The following RHOT1 variants were observed in gnomAD, a reference collection of about 807,000 sequenced individuals.
RHOT1 encodes ras homolog family member T1.
In RHOT1, 27 loss-of-function variants were observed where a neutral mutation model predicts 95.3. The ratio of observed to expected loss-of-function variants is 0.28; its 90% CI spans 0.21 to 0.39. The LOEUF (loss-of-function observed/expected upper bound fraction) is 0.39. Among genes scored for constraint, RHOT1 ranks in the 10% least tolerant of loss-of-function variants. RHOT1 has a pLI of 1.00. For missense variants in RHOT1, 578 were observed against 786.7 expected, an observed-to-expected ratio of 0.73 and a Z score of 3.17; for synonymous variants, 227 against 263.5, an observed-to-expected ratio of 0.86 and a Z score of 1.34.
intron 1 of RHOT1, among the ~76,000 whole-genome samples, chr17:32,161,199 G>A (rs567980382): frequency 3.9e-4 from 59 of 152,288 alleles, no homozygotes; most frequent in Non-Finnish European, 6.8e-4. Flanking sequence ...TAGTTTGGTG[G>A]GTGGGGGCTA....
chr17:32,187,892 A>G (rs2036177843), intron 8 of RHOT1, among the ~76,000 whole-genome samples: 1 of 152,238 alleles, frequency 6.6e-6, no homozygotes. Flanking sequence ...TGATTGAAAA[A>G]AGTCAAATAA....
chr17:32,224,836 T>C lies in RHOT1; in HGVS notation c.*103T>C. On this transcript the variant is annotated 3_prime_UTR_variant, in exon 20 of 20. Transcript: ENST00000545287. ...ATTGAGATATTTATACATGCAGAGT[T>C]ACTTTATTAATATTTGTAATTCATG... 1.5e-6 allele frequency: 1 copy of C among 665,564 alleles called. No homozygotes were observed. The highest frequency in any genetic ancestry group is 2.6e-6 in the Non-Finnish European group (1 of 388,124). The allele number at this position is 665,564 out of a possible 1,614,324, so 41.2% of individuals were successfully genotyped here.
chr17:32,203,394 G>T (rs1400083328), intron 15 of RHOT1, among the ~76,000 whole-genome samples: 1 of 148,422 alleles, frequency 6.7e-6, no homozygotes, highest in East Asian at 2.0e-4. Flanking sequence ...TCCCACCTCA[G>T]CCCCTGGAGC....
At chr17:32,167,479 A>G (rs1234844149) in intron 1 of RHOT1, among the ~76,000 whole-genome samples, 1 of 152,070 alleles carries the variant, frequency 6.6e-6, no homozygotes, top group Admixed American at 6.6e-5. Context: ...GGCACCCACC[A>G]CAATGCCCGG....
intron 3 of RHOT1, 129 bp from the exon 4 acceptor site, chr17:32,175,189 CT>C: frequency 1.4e-6 from 1 of 739,694 alleles, no homozygotes; most frequent in Non-Finnish European, 2.3e-6. Flanking sequence ...CTTCCCCTGG[CT>C]TTCCCTTGTG....
At chr17:32,154,136 C>A (rs1313407638) in intron 1 of RHOT1, among the ~76,000 whole-genome samples, 3 of 147,492 alleles carry the variant, frequency 2.0e-5, no homozygotes, top group African/African-American at 7.5e-5. Context: ...GACTTTGTCT[C>A]TAAAAAAAAA....
intron 11 of RHOT1, among the ~76,000 whole-genome samples, chr17:32,197,763 G>T (rs1598418940): frequency 6.6e-6 from 1 of 151,926 alleles, no homozygotes. Flanking sequence ...AGTAGAGACG[G>T]GGTTTTACCA....
chr17:32,202,669 A>G, intron 14 of RHOT1, 101 bp from the exon 15 acceptor site: 2 of 773,572 alleles, frequency 2.6e-6, no homozygotes, highest in South Asian at 3.9e-5. Flanking sequence ...CTTCATAAAA[A>G]TAATAAGCAG....
intron 8 of RHOT1, among the ~76,000 whole-genome samples, chr17:32,184,836 G>T (rs771998490): frequency 6.6e-6 from 1 of 152,046 alleles, no homozygotes; most frequent in African/African-American, 2.4e-5. Flanking sequence ...CCCCATATCT[G>T]TTGATGCATA....
At chr17:32,172,570 C>T (rs1213781559) in intron 2 of RHOT1, among the ~76,000 whole-genome samples, 5 of 152,220 alleles carry the variant, frequency 3.3e-5, no homozygotes, top group African/African-American at 1.2e-4. Context: ...CAGTGGCTCA[C>T]GCCTGTAATC....
intron 1 of RHOT1, among the ~76,000 whole-genome samples, chr17:32,144,260 C>G (rs2030931271): frequency 6.6e-6 from 1 of 152,114 alleles, no homozygotes; most frequent in African/African-American, 2.4e-5. Context: ...AGTGCAGTGC[C>G]TGGGATTACA....
At chr17:32,197,779 G>T (rs897118294) in intron 11 of RHOT1, among the ~76,000 whole-genome samples, 1 of 151,492 alleles carries the variant, frequency 6.6e-6, no homozygotes, top group South Asian at 2.1e-4. Flanking sequence ...TACCATGTTG[G>T]CCAGGCTGGT....
rs1414699271 is a variant in RHOT1 at position 32,198,971 on chromosome 17, T to G, written c.894T>G (p.Thr298=). 6.2e-7 allele frequency: 1 copy of G among 1,610,796 alleles called. No homozygotes were observed. Among genetic ancestry groups the G allele is most frequent in the African/African-American group, 1.3e-5 (1 of 75,010 alleles). The part of the protein sequence containing the change: ...FPLLKIPPDC[T]TELNHHAYLF... ...GGCTGAAAATACCTCCTGATTGCAC[T>G]ACTGAATTAAATCATCATGCATATT... is the stretch of plus-strand genomic sequence containing the variant. The change falls in exon 12 of 20, where the codon ACT becomes ACG. Residue 298 remains threonine (T), a synonymous_variant. Coordinates refer to ENST00000545287, the MANE Select transcript of RHOT1 (RefSeq NM_001033566.3).
In RHOT1 at chr17:32,219,124, G is replaced by A. The variant is rs570403925; in HGVS notation, c.1863-5492G>A. ...GGGGAGATGAGAGGAGTGAAAAATA[G>A]GAAATTCAAATACATTTCTGAGAAA... On this transcript the variant is annotated intron_variant, in intron 19 of 19. Coordinates refer to ENST00000545287, the MANE Select transcript of RHOT1 (RefSeq NM_001033566.3). Among the ~76,000 whole-genome samples the A allele has an allele frequency of 3.2e-4, 48 of 152,200 alleles. No individual in the cohort carries two copies. The South Asian group carries it at 6.8e-3, about 22-fold the overall frequency.
chr17:32,190,546 A>C (rs558458973), intron 8 of RHOT1, among the ~76,000 whole-genome samples: 61 of 152,318 alleles, frequency 4.0e-4, no homozygotes, highest in African/African-American at 1.4e-3. Context: ...AATCACTTAG[A>C]CAAAATAAAA....
intron 1 of RHOT1, among the ~76,000 whole-genome samples, chr17:32,169,512 C>A (rs1229529192): frequency 6.6e-6 from 1 of 152,170 alleles, no homozygotes; most frequent in Admixed American, 6.5e-5. Flanking sequence ...AAATATGATG[C>A]TCTATGGAAG....
chr17:32,143,332 G>A (rs2030738950), intron 1 of RHOT1, among the ~76,000 whole-genome samples: 2 of 152,134 alleles, frequency 1.3e-5, no homozygotes, highest in Admixed American at 6.5e-5. Flanking sequence ...GGAAAGGGCC[G>A]GATCCTTTTT....
intron 1 of RHOT1, chr17:32,143,148 A>G (rs1454527181): frequency 3.9e-6 from 2 of 514,496 alleles, no homozygotes; most frequent in Non-Finnish European, 7.8e-6. Flanking sequence ...TATCACTGCC[A>G]GGCAGGTGCT....
chr17:32,167,569 A>G (rs541113778), intron 1 of RHOT1, among the ~76,000 whole-genome samples: 2 of 152,292 alleles, frequency 1.3e-5, no homozygotes, highest in Admixed American at 6.5e-5. Flanking sequence ...CAGATTGAGC[A>G]TAATTTTTAA....
Sources: gnomAD v4.1 joint callset for allele counts (sites outside exome capture counted in the v4.1 genomes callset) on GRCh38, gnomAD v4.1.1 for gene constraint, MANE v1.5 for transcripts, NCBI Gene and HGNC (gene_info 2026-07-23, HGNC 2026-07-21) for gene names.